The following SPATA6L variants were observed in gnomAD, a reference collection of about 807,000 sequenced individuals.
SPATA6L encodes the protein spermatogenesis associated 6-like protein.
Under a neutral mutation model 49.2 loss-of-function variants are expected in SPATA6L, and 68 were observed. That is an observed-to-expected ratio of 1.38 (90% confidence interval 1.14 to 1.69). The LOEUF (loss-of-function observed/expected upper bound fraction) is 1.69, where lower values mean the gene tolerates loss of function less well. Ranked by LOEUF, SPATA6L falls within the 40% of genes most tolerant of loss-of-function variation. The pLI is 0.00. For synonymous variants in SPATA6L, 198 were observed against 165.7 expected, an observed-to-expected ratio of 1.19 and a Z score of -1.50; for missense variants, 668 against 464.3, an observed-to-expected ratio of 1.44 and a Z score of -4.03.
At chr9:4,654,760 C>T (rs1211416140) in intron 3 of SPATA6L, among the ~76,000 whole-genome samples, 2 of 152,174 alleles carry the variant, frequency 1.3e-5, no homozygotes, top group Non-Finnish European at 2.9e-5. Context: ...ATGTACTCCT[C>T]TCGATGTCCA....
intron 5 of SPATA6L, 32 bp downstream of exon 5, chr9:4,629,059 C>A (rs1326878833): frequency 3.4e-6 from 5 of 1,466,058 alleles, no homozygotes; most frequent in South Asian, 2.5e-5. Context: ...AAAATCCGGT[C>A]ATTTCTATCA....
At chr9:4,615,216 C>T (rs1827692141) in intron 9 of SPATA6L, among the ~76,000 whole-genome samples, 1 of 152,218 alleles carries the variant, frequency 6.6e-6, no homozygotes, top group Non-Finnish European at 1.5e-5. Context: ...AACTTTTGTT[C>T]CACACTATTC....
chr9:4,648,150 A>T (rs1246584239), intron 3 of SPATA6L, among the ~76,000 whole-genome samples: 1 of 152,126 alleles, frequency 6.6e-6, no homozygotes, highest in East Asian at 1.9e-4. Flanking sequence ...AACATGTTAA[A>T]CAGACAACAA....
At chr9:4,594,410 C>T (rs942512616), downstream of SPATA6L, among the ~76,000 whole-genome samples, 1 of 152,168 alleles carries the variant, frequency 6.6e-6, no homozygotes, top group African/African-American at 2.4e-5. Context: ...GACGGGGTTT[C>T]ACCGTGTTAG....
chr9:4,657,371 G>C (rs1433018057), intron 2 of SPATA6L, among the ~76,000 whole-genome samples: 1 of 151,982 alleles, frequency 6.6e-6, no homozygotes, highest in Non-Finnish European at 1.5e-5. Context: ...AAAATTCATG[G>C]AATGAAGTCT....
chr9:4,629,307 T>A, intron 4 of SPATA6L, 139 bp from the exon 5 acceptor site: 1 of 574,466 alleles, frequency 1.7e-6, no homozygotes, highest in Non-Finnish European at 3.0e-6. Flanking sequence ...AATATATATG[T>A]AATAAGAATA....
At chr9:4,624,889 A>G (rs771625673) in intron 6 of SPATA6L, among the ~76,000 whole-genome samples, 6 of 152,212 alleles carry the variant, frequency 3.9e-5, no homozygotes, top group Non-Finnish European at 8.8e-5. Flanking sequence ...TGGCTCTTCA[A>G]TATATGGCCA....
chr9:4,637,015 C>T (rs1434397570), intron 3 of SPATA6L, among the ~76,000 whole-genome samples: 1 of 152,168 alleles, frequency 6.6e-6, no homozygotes, highest in Non-Finnish European at 1.5e-5. Flanking sequence ...GACTGCCTTT[C>T]TCCTGCTTAA....
At chr9:4,665,472 C>T (rs1424357183) in intron 1 of SPATA6L, among the ~76,000 whole-genome samples, 1 of 152,196 alleles carries the variant, frequency 6.6e-6, no homozygotes, top group Non-Finnish European at 1.5e-5. Context: ...TATGATGAAA[C>T]CACACCATTT....
At chr9:4,638,930 G>A (rs928884692) in intron 3 of SPATA6L, among the ~76,000 whole-genome samples, 24 of 152,004 alleles carry the variant, frequency 1.6e-4, no homozygotes, top group African/African-American at 4.1e-4. Context: ...GACTACAGAC[G>A]CGCACCACAA....
chr9:4,619,271 C>G (rs1033715587), intron 7 of SPATA6L, among the ~76,000 whole-genome samples: 3 of 151,582 alleles, frequency 2.0e-5, no homozygotes, highest in Non-Finnish European at 2.9e-5. Context: ...GATTCTCTGC[C>G]TCAGCCTCCC....
chr9:4,647,329 T>C, intron 3 of SPATA6L, among the ~76,000 whole-genome samples: 1 of 152,148 alleles, frequency 6.6e-6, no homozygotes, highest in Non-Finnish European at 1.5e-5. Flanking sequence ...CAGTGGCTCG[T>C]GCCTGTAATC....
chr9:4,655,284 C>A (rs571076797), intron 3 of SPATA6L, among the ~76,000 whole-genome samples: 21 of 152,240 alleles, frequency 1.4e-4, no homozygotes, highest in African/African-American at 5.1e-4. Context: ...AGAATTCAAT[C>A]ACAAAGGAGC....
chr9:4,660,688 C>A (rs1001537336), intron 2 of SPATA6L, among the ~76,000 whole-genome samples: 28 of 152,316 alleles, frequency 1.8e-4, no homozygotes, highest in Middle Eastern at 3.4e-3. Flanking sequence ...TGGGTATATA[C>A]CCAAAGGATT....
At chr9:4,592,834 G>C (rs1288281592) in intron 13 of SPATA6L, among the ~76,000 whole-genome samples, 1 of 152,152 alleles carries the variant, frequency 6.6e-6, no homozygotes, top group African/African-American at 2.4e-5. Context: ...ATGATGGATA[G>C]GTTTATGGCA....
In SPATA6L at chr9:4,662,488, T is replaced by C; in HGVS notation, c.40-452A>G. Reference sequence around the variant, plus strand: ...GGCGGCGGTGGCGGCGGCAGCAGGTTTGAGTTCCAGTCCCTGCTCAGCAGC... The same window carrying C: ...GGCGGCGGTGGCGGCGGCAGCAGGTCTGAGTTCCAGTCCCTGCTCAGCAGC... On this transcript the variant is annotated intron_variant, in intron 1 of 11. Coordinates refer to ENST00000682582, the MANE Select transcript of SPATA6L (RefSeq NM_001353486.2). This position sits in a 1 kb window ranked among gnomAD's most constrained non-coding sequence, Gnocchi z 4.9. 2 of 1,557,640 alleles carry C rather than the reference T, an allele frequency of 1.3e-6. No homozygotes were observed. The highest frequency in any genetic ancestry group is 1.7e-6 in the Non-Finnish European group (2 of 1,161,346).
intron 2 of SPATA6L, among the ~76,000 whole-genome samples, chr9:4,660,565 A>G (rs913761014): frequency 2.6e-5 from 4 of 152,344 alleles, no homozygotes; most frequent in African/African-American, 9.6e-5. Context: ...AAACAGGAAC[A>G]CCTTTACACT....
Position 4,666,208 on chromosome 9 carries a change from T to G in SPATA6L, c.39+4A>C. The G allele has an allele frequency of 6.2e-7, 1 of 1,614,134 alleles. No homozygotes were observed. The highest frequency in any genetic ancestry group is 1.1e-5 in the South Asian group (1 of 91,074). Reference sequence around the variant, plus strand: ...TAAGGAGGGGGAGTTCATCGATCTCTTACCGCCCGGATCTGCAGCTCCACC... The same window carrying G: ...TAAGGAGGGGGAGTTCATCGATCTCGTACCGCCCGGATCTGCAGCTCCACC... On this transcript the variant is annotated splice_donor_region_variant and intron_variant, in intron 1 of 11. Transcript: ENST00000682582.
At chr9:4,666,095 G>A in intron 1 of SPATA6L, 117 bp downstream of exon 1, 1 of 925,094 alleles carries the variant, frequency 1.1e-6, no homozygotes, top group Non-Finnish European at 1.8e-6. Context: ...ATCTGTCCCA[G>A]AAGATAATGA....
Sources: gnomAD v4.1 joint callset for allele counts (sites outside exome capture counted in the v4.1 genomes callset) on GRCh38, gnomAD v4.1.1 for gene constraint, Gnocchi (gnomAD v3.1) non-coding constraint, MANE v1.5 for transcripts, NCBI Gene and HGNC (gene_info 2026-07-23, HGNC 2026-07-21) for gene names.